The following SGK3 variants were observed in gnomAD, a reference collection of about 807,000 sequenced individuals.
SGK3 encodes serum/glucocorticoid regulated kinase family member 3, also known as serine/threonine-protein kinase Sgk3.
A neutral mutation model predicts 68.5 loss-of-function variants in SGK3; 47 were observed. The observed-to-expected ratio is 0.69, with a 90% CI of 0.54 to 0.87. The LOEUF is 0.87. SGK3 is among the 40% of genes least tolerant of loss of function. The pLI is 0.00. For synonymous variants in SGK3, 181 were observed against 189.1 expected (o/e 0.96, Z 0.35); for missense variants, 479 against 575.5 (o/e 0.83, Z 1.72).
intron 1 of SGK3, among the ~76,000 whole-genome samples, chr8:66,778,325 G>A (rs1423148531): frequency 1.3e-5 from 2 of 152,056 alleles, no homozygotes; most frequent in African/African-American, 4.8e-5. Flanking sequence ...ATGGAGTCTC[G>A]CTTTGTTGCC....
intron 7 of SGK3, among the ~76,000 whole-genome samples, chr8:66,829,178 T>C (rs1158999481): frequency 6.6e-6 from 1 of 152,198 alleles, no homozygotes; most frequent in Non-Finnish European, 1.5e-5. Flanking sequence ...TAAAGGCTAT[T>C]AAACTTTGTT....
chr8:66,779,339 G>A (rs1415568837), intron 1 of SGK3, among the ~76,000 whole-genome samples: 3 of 151,878 alleles, frequency 2.0e-5, no homozygotes, highest in African/African-American at 7.3e-5. Flanking sequence ...TCGAGCTTGT[G>A]TAAATGTTTC....
chr8:66,721,250 G>T (rs1162620834), intron 1 of SGK3, among the ~76,000 whole-genome samples: 1 of 152,114 alleles, frequency 6.6e-6, no homozygotes, highest in African/African-American at 2.4e-5. Flanking sequence ...TTCCCCCAAG[G>T]TGTGAGTACA....
In SGK3 at chr8:66,785,317, G is replaced by T. The variant is rs577531028; in HGVS notation, c.-121-8299G>T. ...ACGTGACCATGTGGAACTACTCTTC[G>T]TAGCTGAGGTTTCTTCTTCATCTGT... On this transcript the variant is annotated intron_variant, in intron 1 of 16. Coordinates refer to ENST00000521198, the MANE Select transcript of SGK3 (RefSeq NM_001033578.3). Among the ~76,000 whole-genome samples the T allele has an allele frequency of 2.5e-3, 382 of 152,308 alleles. 2 individuals carry two copies. Among genetic ancestry groups the T allele is most frequent in the African/African-American group, 8.8e-3 (365 of 41,566 alleles).
chr8:66,720,374 C>T (rs773893119), intron 1 of SGK3, among the ~76,000 whole-genome samples: 1 of 152,062 alleles, frequency 6.6e-6, no homozygotes, highest in Non-Finnish European at 1.5e-5. Context: ...AGCTCATGCC[C>T]GTAACCCCAG....
chr8:66,839,791 A>C, intron 10 of SGK3: 1 of 498,168 alleles, frequency 2.0e-6, no homozygotes, highest in Non-Finnish European at 3.5e-6. Context: ...AAGGGTAAAC[A>C]AAGACACGTG....
Position 66,741,491 on chromosome 8 carries a change from A to G in SGK3, c.-122+28658A>G, listed in dbSNP as rs1027146118. On this transcript the variant is annotated intron_variant, in intron 1 of 16. Coordinates refer to ENST00000521198, the MANE Select transcript of SGK3 (RefSeq NM_001033578.3). The stretch of plus-strand genomic sequence containing the variant: ...CTTGAACCTGGGAGGTGGAGGTTGC[A>G]GTGAGCTGAGATCGCACCGCTGCAC... 3.8e-4 allele frequency among the ~76,000 whole-genome samples: 58 copies of G among 152,004 alleles called. 1 individual carries two copies. Among genetic ancestry groups the G allele is most frequent in the Non-Finnish European group, 4.7e-4 (32 of 67,988 alleles).
chr8:66,759,474 C>G (rs1204466057), intron 1 of SGK3, among the ~76,000 whole-genome samples: 1 of 151,624 alleles, frequency 6.6e-6, no homozygotes, highest in Non-Finnish European at 1.5e-5. Flanking sequence ...CTGTGTCACC[C>G]AGCCTGGAGT....
At chr8:66,852,417 G>A (rs1454099715) in intron 16 of SGK3, among the ~76,000 whole-genome samples, 1 of 151,708 alleles carries the variant, frequency 6.6e-6, no homozygotes, top group Non-Finnish European at 1.5e-5. Flanking sequence ...AAGTAGCTGG[G>A]ACTACAGGCA....
intron 5 of SGK3, among the ~76,000 whole-genome samples, chr8:66,818,387 A>G (rs1189791006): frequency 1.2e-4 from 18 of 152,252 alleles, no homozygotes; most frequent in Admixed American, 1.2e-3. Context: ...AAGAAATGAA[A>G]TGGAAGCAGA....
chr8:66,780,757 A>C (rs1056234186), intron 1 of SGK3, among the ~76,000 whole-genome samples: 1 of 152,182 alleles, frequency 6.6e-6, no homozygotes, highest in Non-Finnish European at 1.5e-5. Flanking sequence ...AATAATCCAC[A>C]GTTTGGATTT....
At chr8:66,851,850 G>A (rs938512436) in intron 16 of SGK3, among the ~76,000 whole-genome samples, 1 of 152,136 alleles carries the variant, frequency 6.6e-6, no homozygotes, top group African/African-American at 2.4e-5. Context: ...CCTTTGTATA[G>A]GGATATACAC....
chr8:66,749,602 G>T (rs1805752970), intron 1 of SGK3, among the ~76,000 whole-genome samples: 1 of 152,016 alleles, frequency 6.6e-6, no homozygotes, highest in South Asian at 2.1e-4. Flanking sequence ...GCTTTTCTTT[G>T]AATTTAAGGA....
intron 1 of SGK3, among the ~76,000 whole-genome samples, chr8:66,726,690 A>G (rs941576971): frequency 3.3e-5 from 5 of 151,692 alleles, no homozygotes; most frequent in Non-Finnish European, 5.9e-5. Flanking sequence ...AGCCCCAACA[A>G]TTTGGAAAGC....
intron 8 of SGK3, 29 bp downstream of exon 8, chr8:66,831,340 G>T: frequency 1.2e-6 from 2 of 1,608,180 alleles, no homozygotes; most frequent in South Asian, 2.2e-5. Context: ...GTTTTTATTT[G>T]GTTTTGGTTT....
chr8:66,813,031 A>G (rs1176143982), intron 4 of SGK3, among the ~76,000 whole-genome samples: 1 of 152,178 alleles, frequency 6.6e-6, no homozygotes, highest in Non-Finnish European at 1.5e-5. Context: ...AGGAGGGTGG[A>G]TTGCTTGAGC....
At chr8:66,725,667 A>T (rs1408456211) in intron 1 of SGK3, among the ~76,000 whole-genome samples, 2 of 151,968 alleles carry the variant, frequency 1.3e-5, no homozygotes, top group East Asian at 3.9e-4. Context: ...TGTATAGTCT[A>T]GTCTCAAAGG....
chr8:66,751,259 C>T (rs1358053375), intron 1 of SGK3, among the ~76,000 whole-genome samples: 2 of 152,106 alleles, frequency 1.3e-5, no homozygotes, highest in Non-Finnish European at 2.9e-5. Flanking sequence ...AAAGCGTCTG[C>T]TTTTCGGATA....
intron 7 of SGK3, among the ~76,000 whole-genome samples, chr8:66,830,683 C>T (rs1433787225): frequency 3.3e-5 from 5 of 152,122 alleles, no homozygotes; most frequent in East Asian, 1.9e-4. Context: ...CCTATATTAC[C>T]GTTCATGAGA....
Sources: gnomAD v4.1 joint callset for allele counts (sites outside exome capture counted in the v4.1 genomes callset) on GRCh38, gnomAD v4.1.1 for gene constraint, MANE v1.5 for transcripts, NCBI Gene and HGNC (gene_info 2026-07-23, HGNC 2026-07-21) for gene names.